CROCC2: variants seen among roughly 807,000 people sequenced by gnomAD.
The protein encoded by CROCC2 is ciliary rootlet coiled-coil protein 2.
In CROCC2, 163 loss-of-function variants were observed where a neutral mutation model predicts 177.6. That is an observed-to-expected ratio of 0.92 (90% confidence interval 0.81 to 1.05). The LOEUF is 1.05. Among genes scored for constraint, CROCC2 ranks in the 50% least tolerant of loss-of-function variants. CROCC2 has a pLI of 0.00. For missense variants in CROCC2, 1,929 were observed against 1,797.8 expected, an observed-to-expected ratio of 1.07 and a Z score of -1.32; for synonymous variants, 904 against 787.3, an observed-to-expected ratio of 1.15 and a Z score of -2.48.
chr2:240,955,561 G>C (rs909169368), intron 18 of CROCC2: 17 of 346,888 alleles, frequency 4.9e-5, no homozygotes, highest in Admixed American at 4.5e-4. Context: ...CAGGATTTTA[G>C]ACAGGCAGAG....
rs570692782 is a variant in CROCC2, at chr2:240,967,104, T to A, written c.4147-241T>A. On this transcript the variant is annotated intron_variant, in intron 25 of 31. Transcript: ENST00000690015. Reference sequence around the variant, plus strand: ...CACCTGTGCTTGAAACCTGGACCCTTTAGGCCGAGTCTCACTGGGCGCCTC... The same window carrying A: ...CACCTGTGCTTGAAACCTGGACCCTATAGGCCGAGTCTCACTGGGCGCCTC... Among the ~76,000 whole-genome samples, 29 of 152,114 alleles carry A rather than the reference T, an allele frequency of 1.9e-4. No homozygotes were observed. The South Asian group carries it at 5.8e-3, about 31-fold the overall frequency.
At chr2:240,962,365 G>T (rs2059648881) in intron 20 of CROCC2, among the ~76,000 whole-genome samples, 1 of 152,130 alleles carries the variant, frequency 6.6e-6, no homozygotes. Flanking sequence ...CCTCTGCGCT[G>T]GGAAATGAAA....
intron 18 of CROCC2, among the ~76,000 whole-genome samples, chr2:240,952,417 C>A (rs747270324): frequency 6.6e-6 from 1 of 151,930 alleles, no homozygotes; most frequent in Admixed American, 6.6e-5. Context: ...TTGATTCTTG[C>A]AACACTCTGA....
intron 1 of CROCC2, among the ~76,000 whole-genome samples, chr2:240,907,409 G>A (rs899020200): frequency 4.6e-5 from 7 of 152,068 alleles, no homozygotes; most frequent in African/African-American, 7.2e-5. Context: ...ACAGCCAGGC[G>A]GCCCCACCTC....
intron 14 of CROCC2, among the ~76,000 whole-genome samples, chr2:240,936,574 G>T (rs1045672102): frequency 2.0e-5 from 3 of 152,186 alleles, no homozygotes; most frequent in Non-Finnish European, 4.4e-5. Flanking sequence ...AACCACATCT[G>T]CTTACTCATC....
rs981185442 is a variant in CROCC2, at chr2:240,983,518, G to T, written c.4551+489G>T. 4.8e-6 allele frequency: 6 copies of T among 1,250,860 alleles called. No individual in the cohort carries two copies. In the African/African-American group the frequency reaches 8.1e-5, roughly 17 times the overall value. 77.5% of individuals were successfully genotyped at this position (1,250,860 alleles called of 1,614,324 possible). On this transcript the variant is annotated intron_variant, in intron 28 of 31. Transcript: ENST00000690015. The stretch of plus-strand genomic sequence containing the variant: ...TCCTGCAGGAGCAGACGGCGGCGCT[G>T]CGCACCGAGCGGGCGCGTCTGCAGG...
chr2:240,956,642 A>G (rs544981745), intron 19 of CROCC2, among the ~76,000 whole-genome samples: 1 of 152,354 alleles, frequency 6.6e-6, no homozygotes, highest in South Asian at 2.1e-4. Context: ...GGGGCTGGAC[A>G]GGCAGCAGCA....
intron 5 of CROCC2, among the ~76,000 whole-genome samples, chr2:240,928,022 G>T (rs1382793650): frequency 1.3e-5 from 2 of 152,212 alleles, no homozygotes; most frequent in Admixed American, 1.3e-4. Context: ...TGTAGCCTGT[G>T]TCTGACTATC....
rs79894808 is a variant in CROCC2 at position 240,972,081 on chromosome 2, C to T, written c.4401+3819C>T. ...GACTCTCAGATCTGATTCCTCAGATCGACTTTATTTTCTCAAACCCCAGTG... is the reference window on the plus strand; with the variant it reads ...GACTCTCAGATCTGATTCCTCAGATTGACTTTATTTTCTCAAACCCCAGTG... On this transcript the variant is annotated intron_variant, in intron 27 of 31. Transcript: ENST00000690015. This position sits in a 1 kb window ranked among gnomAD's most constrained non-coding sequence, Gnocchi z 7.1. Among the ~76,000 whole-genome samples, 10 of 152,250 alleles carry T rather than the reference C, an allele frequency of 6.6e-5. No homozygotes were observed. Among genetic ancestry groups the T allele is most frequent in the African/African-American group, 1.9e-4 (8 of 41,540 alleles).
intron 24 of CROCC2, 55 bp from the exon 25 acceptor site, chr2:240,966,170 C>T (rs2059682664): frequency 1.4e-5 from 17 of 1,213,596 alleles, no homozygotes; most frequent in South Asian, 1.2e-4. Flanking sequence ...AGGGGAAGGG[C>T]GTGTATCTGT....
In CROCC2 at chr2:240,963,544, G is replaced by T; in HGVS notation, c.3088-12G>T. 6.6e-7 allele frequency: 1 copy of T among 1,526,524 alleles called. No homozygotes were observed. Among genetic ancestry groups the T allele is most frequent in the Non-Finnish European group, 8.8e-7 (1 of 1,132,570 alleles). 94.6% of individuals were successfully genotyped at this position (1,526,524 alleles called of 1,614,324 possible). A position where few individuals can be genotyped will look rare whatever the true frequency, so the allele number is the denominator to read the frequency against. On this transcript the variant is annotated splice_polypyrimidine_tract_variant and intron_variant, in intron 20 of 31. Transcript: ENST00000690015. Reference sequence around the variant, plus strand: ...CCCCAGCGGGCCTCTAGAGCTGAATGGTCCTCCCCAGGCTGAGAGGCTGCG... The same window carrying T: ...CCCCAGCGGGCCTCTAGAGCTGAATTGTCCTCCCCAGGCTGAGAGGCTGCG...
chr2:240,919,482 G>T (rs954125505), intron 2 of CROCC2, among the ~76,000 whole-genome samples: 5 of 152,126 alleles, frequency 3.3e-5, no homozygotes, highest in Admixed American at 2.6e-4. Context: ...GCTCCAGGCC[G>T]CCTGTCCTGT....
intron 12 of CROCC2, 73 bp from the exon 13 acceptor site, chr2:240,934,843 C>T: frequency 3.5e-6 from 5 of 1,414,090 alleles, no homozygotes; most frequent in Non-Finnish European, 4.6e-6. Flanking sequence ...TCAGGGCTCA[C>T]TCCTTTCCCA....
Position 240,917,562 on chromosome 2 carries a change from G to A in CROCC2, c.79-1164G>A, listed in dbSNP as rs902325536. On this transcript the variant is annotated intron_variant, in intron 1 of 31. Transcript: ENST00000690015. The surrounding 1 kb of genome is among the most constrained non-coding windows in gnomAD (Gnocchi z 4.9). Reference sequence around the variant, plus strand: ...CCCTGGTCAGGAGGAAAATCCAGGAGGCACAAGGTGGGGGAGCTGCCCTGC... The same window carrying A: ...CCCTGGTCAGGAGGAAAATCCAGGAAGCACAAGGTGGGGGAGCTGCCCTGC... Among the ~76,000 whole-genome samples the A allele has an allele frequency of 6.6e-6, 1 of 152,162 alleles. No individual in the cohort carries two copies. Among genetic ancestry groups the A allele is most frequent in the East Asian group, 1.9e-4 (1 of 5,168 alleles).
intron 5 of CROCC2, among the ~76,000 whole-genome samples, chr2:240,929,474 G>A (rs2059414533): frequency 6.6e-6 from 1 of 151,994 alleles, no homozygotes; most frequent in Non-Finnish European, 1.5e-5. Flanking sequence ...TGCAAGGCTG[G>A]AACCACTGTG....
chr2:240,965,639 C>G lies in CROCC2; in HGVS notation c.3607C>G (p.Leu1203Val). Reference sequence around the variant, plus strand: ...CACCCCAACATCCCTCCTACAGGTCCTGGGATTGCAGAGGAAGTTGGCAGA... The same window carrying G: ...CACCCCAACATCCCTCCTACAGGTCGTGGGATTGCAGAGGAAGTTGGCAGA... ...AKHEGARKEVLGLQRKLAEVE... is the reference protein window; with the variant it reads ...AKHEGARKEVVGLQRKLAEVE... The change falls in exon 24 of 32, where the codon CTG (leucine) becomes GTG (valine). Residue 1203 changes from leucine (L) to valine (V), a missense_variant. Physicochemically the swap from Leu to Val is conservative, Grantham distance 32 (BLOSUM62 1). Around this residue, in one of 3 missense-constraint regions of CROCC2, gnomAD observed 144 missense variants for 205.2 expected, o/e 0.70. Transcript: ENST00000690015. The G allele has an allele frequency of 6.4e-7, 1 of 1,550,620 alleles. No individual in the cohort carries two copies. The highest frequency in any genetic ancestry group is 8.7e-7 in the Non-Finnish European group (1 of 1,146,976).
At chr2:240,923,276 C>G (rs972055462) in intron 4 of CROCC2, among the ~76,000 whole-genome samples, 1 of 151,832 alleles carries the variant, frequency 6.6e-6, no homozygotes, top group African/African-American at 2.4e-5. Context: ...GCCCCCCCCG[C>G]CACCGCTGTC....
chr2:240,967,385 T>A lies in CROCC2; in HGVS notation c.4187T>A (p.Leu1396Gln). ...RIQMATLSSR[L>Q]SEAECRCARA... ...CAGATGGCGACCCTGAGCAGCCGGC[T>A]GAGCGAGGCAGAGTGCAGGTGTGCC... Residue 1396 changes from leucine (L) to glutamine (Q), a missense_variant, in exon 26 of 32, where the codon CTG becomes CAG. Physicochemically the swap from Leu to Gln is moderately radical, Grantham distance 113 (BLOSUM62 -2). This residue lies in a region of CROCC2 where 388 missense variants were observed against 352.7 expected (regional missense o/e 1.10). Coordinates refer to ENST00000690015, the MANE Select transcript of CROCC2 (RefSeq NM_001351305.2). The A allele has an allele frequency of 4.8e-6, 4 of 830,916 alleles. No individual in the cohort carries two copies. Among genetic ancestry groups the A allele is most frequent in the Non-Finnish European group, 8.2e-6 (4 of 490,264 alleles). 51.5% of individuals were successfully genotyped at this position (830,916 alleles called of 1,614,324 possible). A position where few individuals can be genotyped will look rare whatever the true frequency, so the allele number is the denominator to read the frequency against.
chr2:240,987,449 C>T (rs1027941529), intron 28 of CROCC2, among the ~76,000 whole-genome samples: 2 of 152,084 alleles, frequency 1.3e-5, no homozygotes, highest in Non-Finnish European at 2.9e-5. Flanking sequence ...TTTAAAGAAA[C>T]AGGACTTCCT....
Sources: gnomAD v4.1 joint callset for allele counts (sites outside exome capture counted in the v4.1 genomes callset) on GRCh38, gnomAD v4.1.1 for gene constraint, gnomAD v4.1.1 regional missense constraint, Gnocchi (gnomAD v3.1) non-coding constraint, MANE v1.5 for transcripts, NCBI Gene and HGNC (gene_info 2026-07-23, HGNC 2026-07-21) for gene names.